The following RNF13 variants were observed in gnomAD, a reference collection of about 807,000 sequenced individuals.
RNF13 encodes the protein E3 ubiquitin-protein ligase RNF13.
In RNF13, 19 loss-of-function variants were observed where a neutral mutation model predicts 37.7. The observed-to-expected ratio is 0.50, with a 90% CI of 0.35 to 0.74. RNF13 has a LOEUF of 0.74. Ranked by LOEUF, RNF13 falls within the 30% of genes least tolerant of loss-of-function variation. RNF13 has a pLI of 0.01. For synonymous variants in RNF13, 144 were observed against 157.8 expected (o/e 0.91, Z 0.65); for missense variants, 375 against 453.0 (o/e 0.83, Z 1.56).
chr3:149,904,919 A>G (rs1025366975), intron 6 of RNF13, among the ~76,000 whole-genome samples: 1 of 152,186 alleles, frequency 6.6e-6, no homozygotes, highest in Admixed American at 6.5e-5. Context: ...ATCCTTGAGT[A>G]GATAGAGATA....
At chr3:149,841,649 C>T (rs61008551) in intron 1 of RNF13, among the ~76,000 whole-genome samples, 4,540 of 152,056 alleles carry the variant, frequency 0.03, 80 homozygotes, top group South Asian at 0.036. Context: ...AGACAGAGTC[C>T]TGCTCTGTTG....
intron 3 of RNF13, among the ~76,000 whole-genome samples, chr3:149,863,524 C>T (rs1724493703): frequency 6.6e-6 from 1 of 152,010 alleles, no homozygotes; most frequent in Non-Finnish European, 1.5e-5. Context: ...GGATTACAGG[C>T]GTGTACCACC....
chr3:149,882,583 G>T (rs1713553897), intron 4 of RNF13, among the ~76,000 whole-genome samples: 1 of 152,110 alleles, frequency 6.6e-6, no homozygotes, highest in Admixed American at 6.5e-5. Context: ...ATACCAAGAA[G>T]CATGAAAACA....
intron 1 of RNF13, among the ~76,000 whole-genome samples, chr3:149,817,635 A>G (rs184030004): frequency 1.4e-4 from 22 of 152,272 alleles, no homozygotes; most frequent in Admixed American, 2.0e-4. Flanking sequence ...ATGAGATTGT[A>G]TTTTACTTAT....
chr3:149,845,905 T>G lies in RNF13; in HGVS notation c.-16-106T>G, dbSNP rs570363481. The stretch of plus-strand genomic sequence containing the variant: ...CTTTACTTTTAATGTTAATACATGT[T>G]TATAATTAAAAGGGATATTTTTGGA... On this transcript the variant is annotated intron_variant, in intron 1 of 9. Transcript: ENST00000392894. 6.8e-6 allele frequency: 4 copies of G among 587,780 alleles called. No homozygotes were observed. In the East Asian group the frequency reaches 1.1e-4, roughly 16 times the overall value. 36.4% of individuals were successfully genotyped at this position (587,780 alleles called of 1,614,324 possible).
chr3:149,957,447 A>G (rs1721973096), intron 8 of RNF13, among the ~76,000 whole-genome samples: 1 of 152,182 alleles, frequency 6.6e-6, no homozygotes, highest in East Asian at 1.9e-4. Flanking sequence ...TTCAAATAAA[A>G]CCAGAAGTCT....
At chr3:149,898,142 A>T (rs1715463759) in intron 5 of RNF13, among the ~76,000 whole-genome samples, 2 of 152,196 alleles carry the variant, frequency 1.3e-5, no homozygotes, top group African/African-American at 4.8e-5. Context: ...GACCTGACAA[A>T]TTTGTGAAAA....
At chr3:149,891,594 A>T (rs1714703106) in intron 4 of RNF13, among the ~76,000 whole-genome samples, 1 of 152,198 alleles carries the variant, frequency 6.6e-6, no homozygotes, top group South Asian at 2.1e-4. Flanking sequence ...TGTTTATTGG[A>T]TGTAAAATAC....
intron 8 of RNF13, among the ~76,000 whole-genome samples, chr3:149,924,098 A>G (rs941830131): frequency 2.0e-5 from 3 of 152,136 alleles, no homozygotes; most frequent in African/African-American, 7.2e-5. Flanking sequence ...AATACACAGA[A>G]TTTACTGATG....
At chr3:149,906,507 G>T (rs1314654464) in intron 6 of RNF13, among the ~76,000 whole-genome samples, 5 of 151,990 alleles carry the variant, frequency 3.3e-5, no homozygotes. Flanking sequence ...TAATCAACTG[G>T]TCTAGCTTCA....
At chr3:149,824,563 C>T (rs1371383951) in intron 1 of RNF13, among the ~76,000 whole-genome samples, 1 of 151,816 alleles carries the variant, frequency 6.6e-6, no homozygotes, top group Non-Finnish European at 1.5e-5. Context: ...TAATGTAAAA[C>T]ATTTTCATTT....
At chr3:149,881,181 G>C (rs972452280) in intron 4 of RNF13, among the ~76,000 whole-genome samples, 1 of 152,168 alleles carries the variant, frequency 6.6e-6, no homozygotes, top group Non-Finnish European at 1.5e-5. Context: ...GGGACACTAA[G>C]AAGTATGCTT....
chr3:149,815,763 T>C (rs893729654), intron 1 of RNF13, among the ~76,000 whole-genome samples: 3 of 152,212 alleles, frequency 2.0e-5, no homozygotes, highest in Non-Finnish European at 4.4e-5. Flanking sequence ...TCAAAGTTTA[T>C]ATAGCATAGT....
chr3:149,863,335 A>C (rs1724470256), intron 3 of RNF13, among the ~76,000 whole-genome samples: 1 of 152,198 alleles, frequency 6.6e-6, no homozygotes, highest in Admixed American at 6.5e-5. Context: ...TTTGGAAAAC[A>C]GTATGTTTTA....
chr3:149,905,899 A>C (rs1047200304), intron 6 of RNF13, among the ~76,000 whole-genome samples: 5 of 152,274 alleles, frequency 3.3e-5, no homozygotes, highest in African/African-American at 1.2e-4. Context: ...TATTTATAGA[A>C]TTCTGCAATC....
At chr3:149,844,962 T>C (rs983604981) in intron 1 of RNF13, among the ~76,000 whole-genome samples, 19 of 151,978 alleles carry the variant, frequency 1.3e-4, no homozygotes, top group Non-Finnish European at 1.6e-4. Flanking sequence ...CCTCAAGCTT[T>C]CCCCCCACGC....
intron 3 of RNF13, among the ~76,000 whole-genome samples, chr3:149,864,008 A>ATTTTTTTTTT (rs535062004): frequency 2.4e-4 from 7 of 29,654 alleles, no homozygotes; most frequent in African/African-American, 1.1e-3. Context: ...TTTGATTGGA[A>ATTTTTTTTTT]TTTTTTTTTT....
At chr3:149,839,956 A>G (rs1002950959) in intron 1 of RNF13, among the ~76,000 whole-genome samples, 1 of 151,960 alleles carries the variant, frequency 6.6e-6, no homozygotes, top group African/African-American at 2.4e-5. Context: ...ATTGTGTTGA[A>G]TTTTGTAGAA....
chr3:149,942,499 T>G (rs924097840), intron 8 of RNF13, among the ~76,000 whole-genome samples: 3 of 152,180 alleles, frequency 2.0e-5, no homozygotes, highest in African/African-American at 7.2e-5. Context: ...GTTTTGTTTT[T>G]TTTACAGGTT....
Sources: allele counts gnomAD v4.1 joint callset (sites outside exome capture counted in the v4.1 genomes callset), GRCh38; gene constraint gnomAD v4.1.1; transcripts MANE v1.5; gene names NCBI Gene and HGNC (gene_info 2026-07-23, HGNC 2026-07-21).